Variants in RAB27B observed in about 807,000 individuals in gnomAD.
RAB27B encodes RAB27B, member RAS oncogene family.
In RAB27B, 15 loss-of-function variants were observed where a neutral mutation model predicts 24.6. The observed-to-expected ratio is 0.61, with a 90% CI of 0.41 to 0.94. The LOEUF (loss-of-function observed/expected upper bound fraction) is 0.94. Ranked by LOEUF, RAB27B falls within the 40% of genes least tolerant of loss-of-function variation. The pLI is 0.00. For missense variants in RAB27B, 261 were observed against 266.8 expected (o/e 0.98, Z 0.15); for synonymous variants, 105 against 92.5 (o/e 1.14, Z -0.78).
At chr18:54,764,607 G>A (rs1908300562) in intron 2 of RAB27B, among the ~76,000 whole-genome samples, 1 of 152,064 alleles carries the variant, frequency 6.6e-6, no homozygotes, top group Non-Finnish European at 1.5e-5. Context: ...TTGGATATTT[G>A]TCATTATTTC....
intron 1 of RAB27B, among the ~76,000 whole-genome samples, chr18:54,864,495 TA>T (rs1912132836): frequency 7.1e-6 from 1 of 141,260 alleles, no homozygotes; most frequent in South Asian, 2.4e-4. Flanking sequence ...CAAAAGTTTT[TA>T]TTTTTTTTTC....
At chr18:54,863,701 G>C (rs762435284) in intron 1 of RAB27B, among the ~76,000 whole-genome samples, 2 of 152,022 alleles carry the variant, frequency 1.3e-5, no homozygotes, top group Admixed American at 1.3e-4. Flanking sequence ...TGGCAAAAGC[G>C]CCTATACACT....
intron 1 of RAB27B, among the ~76,000 whole-genome samples, chr18:54,876,036 A>G (rs1001947222): frequency 1.7e-4 from 26 of 152,152 alleles, no homozygotes; most frequent in African/African-American, 5.3e-4. Context: ...GGTTTAATTG[A>G]CTCACAGTTT....
At chr18:54,876,784 A>G (rs1302807549) in intron 1 of RAB27B, among the ~76,000 whole-genome samples, 1 of 152,166 alleles carries the variant, frequency 6.6e-6, no homozygotes, top group Non-Finnish European at 1.5e-5. Flanking sequence ...CTGCTTTTTT[A>G]TTCCATTATC....
intron 2 of RAB27B, among the ~76,000 whole-genome samples, chr18:54,731,278 A>G (rs908107691): frequency 6.6e-6 from 1 of 152,240 alleles, no homozygotes; most frequent in African/African-American, 2.4e-5. Context: ...TATTAACAGA[A>G]TATATAGAGC....
chr18:54,876,404 T>C (rs552650915), intron 1 of RAB27B, among the ~76,000 whole-genome samples: 1 of 152,340 alleles, frequency 6.6e-6, no homozygotes, highest in East Asian at 1.9e-4. Context: ...GAATACAGTG[T>C]TTTCTGAATC....
chr18:54,753,004 T>G (rs568641891), intron 2 of RAB27B, among the ~76,000 whole-genome samples: 1 of 152,170 alleles, frequency 6.6e-6, no homozygotes, highest in South Asian at 2.1e-4. Flanking sequence ...CTTGGGTGAC[T>G]AGATGGAGGG....
At chr18:54,719,439 A>G (rs1909290927) in intron 2 of RAB27B, among the ~76,000 whole-genome samples, 2 of 152,100 alleles carry the variant, frequency 1.3e-5, no homozygotes, top group African/African-American at 4.8e-5. Context: ...TAGGTATGCT[A>G]CCTATACTTT....
chr18:54,850,333 G>GAGATATATATATATATATATATAT (rs869079784), intron 1 of RAB27B, among the ~76,000 whole-genome samples: 2 of 95,156 alleles, frequency 2.1e-5, no homozygotes, highest in African/African-American at 9.4e-5. Flanking sequence ...AAACAAACAG[G>GAGATATATATATATATATATATAT]ATATATATAT....
Position 54,879,185 on chromosome 18 carries a change from T to TG in RAB27B, c.154-183dup, listed in dbSNP as rs534876480. On this transcript the variant is annotated intron_variant, in intron 2 of 5. Transcript: ENST00000262094. The stretch of plus-strand genomic sequence containing the variant: ...CCTAAACTGTGTTGAAAATCATACT[T>TG]GCACTTGACATTTAAAAGTGAGAGT... 1.2e-3 allele frequency among the ~76,000 whole-genome samples: 190 copies of TG among 152,274 alleles called. 2 individuals carry two copies. Among genetic ancestry groups the TG allele is most frequent in the African/African-American group, 4.5e-3 (185 of 41,572 alleles).
intron 2 of RAB27B, among the ~76,000 whole-genome samples, chr18:54,818,444 T>G (rs1910187711): frequency 6.6e-6 from 1 of 152,198 alleles, no homozygotes. Flanking sequence ...ATCACTTTGC[T>G]TATACAAATG....
chr18:54,833,040 CAT>C (rs1302521959), intron 1 of RAB27B, among the ~76,000 whole-genome samples: 1 of 152,004 alleles, frequency 6.6e-6, no homozygotes, highest in Non-Finnish European at 1.5e-5. Context: ...ATAAAGGAAA[CAT>C]ATAATTAGAA....
chr18:54,785,656 GT>G, intron 2 of RAB27B, among the ~76,000 whole-genome samples: 1 of 152,108 alleles, frequency 6.6e-6, no homozygotes, highest in Middle Eastern at 3.4e-3. Context: ...AAAGTTTGGG[GT>G]TTTATTTGTT....
chr18:54,752,393 T>C (rs1222756824), intron 2 of RAB27B, among the ~76,000 whole-genome samples: 2 of 152,184 alleles, frequency 1.3e-5, no homozygotes, highest in Non-Finnish European at 1.5e-5. Flanking sequence ...CCCAAGCGTT[T>C]GTAAATTTTA....
At chr18:54,782,549 A>ACCTT (rs1212026382) in intron 2 of RAB27B, among the ~76,000 whole-genome samples, 2 of 152,192 alleles carry the variant, frequency 1.3e-5, no homozygotes, top group Non-Finnish European at 2.9e-5. Flanking sequence ...GTAAGGTATA[A>ACCTT]CCTTATTGGC....
At chr18:54,887,716 T>C (rs1252815403) in intron 4 of RAB27B, among the ~76,000 whole-genome samples, 1 of 152,168 alleles carries the variant, frequency 6.6e-6, no homozygotes, top group Non-Finnish European at 1.5e-5. Flanking sequence ...AATGAATTAC[T>C]TAATAATAAA....
chr18:54,731,822 A>G (rs1333345847), intron 2 of RAB27B, among the ~76,000 whole-genome samples: 5 of 152,218 alleles, frequency 3.3e-5, no homozygotes, highest in African/African-American at 1.2e-4. Context: ...TACAATTAAC[A>G]TCTTTTACTC....
intron 2 of RAB27B, among the ~76,000 whole-genome samples, chr18:54,764,185 A>T (rs1029807664): frequency 6.6e-6 from 1 of 152,092 alleles, no homozygotes; most frequent in Admixed American, 6.6e-5. Flanking sequence ...CCATCTTTGC[A>T]TTGCCTCATT....
intron 2 of RAB27B, among the ~76,000 whole-genome samples, chr18:54,792,477 C>G (rs1317680520): frequency 6.6e-6 from 1 of 152,118 alleles, no homozygotes; most frequent in African/African-American, 2.4e-5. Context: ...ACAATCTAAA[C>G]CCCTTTATTC....
Sources: allele counts gnomAD v4.1 joint callset (sites outside exome capture counted in the v4.1 genomes callset), GRCh38; gene constraint gnomAD v4.1.1; transcripts MANE v1.5; gene names NCBI Gene and HGNC (gene_info 2026-07-23, HGNC 2026-07-21).